Variants in LRP1B observed in about 807,000 individuals in gnomAD.
LRP1B encodes the protein low-density lipoprotein receptor-related protein 1B.
LRP1B carries 217 observed loss-of-function variants against 556.6 expected under a neutral mutation model. The ratio of observed to expected loss-of-function variants is 0.39; its 90% CI spans 0.35 to 0.44. The LOEUF (loss-of-function observed/expected upper bound fraction) is 0.44, where lower values mean the gene tolerates loss of function less well. Among genes scored for constraint, LRP1B ranks in the 20% least tolerant of loss-of-function variants. The pLI, the probability that LRP1B is intolerant of heterozygous loss-of-function variation, is 1.00. For synonymous variants in LRP1B, 2,047 were observed against 1,865.8 expected (o/e 1.10, Z -2.50); for missense variants, 5,053 against 5,620.8 (o/e 0.90, Z 3.23).
At chr2:140,777,924 G>GT (rs1186048858) in intron 32 of LRP1B, among the ~76,000 whole-genome samples, 1 of 146,732 alleles carries the variant, frequency 6.8e-6, no homozygotes, top group African/African-American at 2.5e-5. Context: ...TAGGAAAAAA[G>GT]TAAAAAAAAG....
intron 7 of LRP1B, among the ~76,000 whole-genome samples, chr2:141,150,447 T>C (rs1162940715): frequency 6.6e-6 from 1 of 152,182 alleles, no homozygotes; most frequent in African/African-American, 2.4e-5. Flanking sequence ...ATACTCAAAG[T>C]GTTTCCCTTC....
At position 140,886,319 on chromosome 2, in the gene LRP1B, G is replaced by A. The variant is rs1332291541; in HGVS notation, c.3783C>T (p.Phe1261=). ...SCTSVDPFEA[F]IIFSIRHEIR... ...TCTCATGACGAATAGAAAAGATGAT[G>A]AATGCTTCAAAAGGATCTGAAATTA... Residue 1261 remains phenylalanine, a synonymous_variant, in exon 24 of 91, where the codon TTC becomes TTT. Coordinates refer to ENST00000389484, the MANE Select transcript of LRP1B (RefSeq NM_018557.3). The A allele has an allele frequency of 1.3e-6, 2 of 1,590,156 alleles. No homozygotes were observed. Among genetic ancestry groups the A allele is most frequent in the Non-Finnish European group, 1.7e-6 (2 of 1,166,080 alleles).
intron 1 of LRP1B, among the ~76,000 whole-genome samples, chr2:141,958,914 T>G (rs1701333768): frequency 2.6e-5 from 4 of 152,018 alleles, no homozygotes; most frequent in South Asian, 2.1e-4. Flanking sequence ...TGATTTTTCT[T>G]GAGTCAAAAA....
intron 1 of LRP1B, among the ~76,000 whole-genome samples, chr2:141,827,983 C>G (rs961477037): frequency 6.6e-4 from 100 of 151,298 alleles, no homozygotes; most frequent in African/African-American, 2.4e-3. Flanking sequence ...AGAAGACTGC[C>G]ACTTCAACAG....
At chr2:141,475,885 A>G (rs1387603725) in intron 3 of LRP1B, among the ~76,000 whole-genome samples, 1 of 151,796 alleles carries the variant, frequency 6.6e-6, no homozygotes, top group Non-Finnish European at 1.5e-5. Context: ...CAACAATAAA[A>G]TCTCCTTCAT....
At position 141,663,539 on chromosome 2, in the gene LRP1B, C is replaced by T. The variant is rs190977698; in HGVS notation, c.205+146740G>A. On this transcript the variant is annotated intron_variant, in intron 2 of 90. Coordinates refer to ENST00000389484, the MANE Select transcript of LRP1B (RefSeq NM_018557.3). ...CTGACCCCACATAAATATAAACAAC[C>T]GTCAGAGAATACTATAAACACCTCT... Among the ~76,000 whole-genome samples the T allele has an allele frequency of 3.5e-3, 532 of 152,160 alleles. 1 individual carries two copies. Among genetic ancestry groups the T allele is most frequent in the Middle Eastern group, 0.014 (4 of 294 alleles).
Position 140,456,422 on chromosome 2 carries a change from A to T in LRP1B, c.9963+33T>A, listed in dbSNP as rs757738230. 9 of 1,598,442 alleles carry T rather than the reference A, an allele frequency of 5.6e-6. No individual in the cohort carries two copies. The South Asian group carries it at 1.0e-4, about 18-fold the overall frequency. ...CAAAAGAGCTGATGTTTCACCATAC[A>T]CTCTATAATAAGATTCCCAGACCTC... On this transcript the variant is annotated intron_variant, in intron 62 of 90. Transcript: ENST00000389484.
intron 35 of LRP1B, among the ~76,000 whole-genome samples, chr2:140,762,444 T>C (rs76614418): frequency 0.017 from 2,589 of 152,262 alleles, 43 homozygotes; most frequent in Middle Eastern, 0.034. Context: ...TCCTGTGATG[T>C]AGTAAGTGTG....
At chr2:140,997,848 T>C (rs1697297674) in intron 15 of LRP1B, among the ~76,000 whole-genome samples, 2 of 151,892 alleles carry the variant, frequency 1.3e-5, no homozygotes, top group African/African-American at 2.4e-5. Context: ...GTGTGAAAAA[T>C]GCTGCGATAG....
At chr2:141,736,439 A>G (rs975585581) in intron 2 of LRP1B, among the ~76,000 whole-genome samples, 7 of 152,170 alleles carry the variant, frequency 4.6e-5, no homozygotes, top group African/African-American at 1.7e-4. Flanking sequence ...ATAAGAAGAG[A>G]GAAATTTGGA....
At chr2:140,892,420 G>A (rs546673605) in intron 23 of LRP1B, among the ~76,000 whole-genome samples, 1 of 152,166 alleles carries the variant, frequency 6.6e-6, no homozygotes, top group Non-Finnish European at 1.5e-5. Flanking sequence ...AGGAAATTAA[G>A]GCTAGTGAGT....
At chr2:140,553,843 C>T (rs1486523684) in intron 43 of LRP1B, among the ~76,000 whole-genome samples, 1 of 151,970 alleles carries the variant, frequency 6.6e-6, no homozygotes, top group African/African-American at 2.4e-5. Context: ...GAAGAGCCAC[C>T]AGCTTTCATT....
At chr2:141,283,540 T>G (rs1252513296) in intron 3 of LRP1B, among the ~76,000 whole-genome samples, 1 of 151,030 alleles carries the variant, frequency 6.6e-6, no homozygotes, top group Non-Finnish European at 1.5e-5. Flanking sequence ...GAAACTGACA[T>G]AGATTAGACA....
chr2:141,457,077 C>A (rs1192961842), intron 3 of LRP1B, among the ~76,000 whole-genome samples: 1 of 152,152 alleles, frequency 6.6e-6, no homozygotes, highest in Non-Finnish European at 1.5e-5. Flanking sequence ...CCTTACCTTA[C>A]TGAAGTTTTA....
intron 3 of LRP1B, among the ~76,000 whole-genome samples, chr2:141,384,110 T>A (rs1689743124): frequency 6.6e-6 from 1 of 152,144 alleles, no homozygotes; most frequent in Non-Finnish European, 1.5e-5. Flanking sequence ...AATATATACA[T>A]TTTTTATTTT....
chr2:140,812,908 C>T (rs964837376), intron 32 of LRP1B, among the ~76,000 whole-genome samples: 19 of 152,114 alleles, frequency 1.2e-4, no homozygotes, highest in African/African-American at 4.6e-4. Context: ...TAGAGCCAGC[C>T]ATTCACTAAA....
At chr2:142,023,059 C>T (rs183222587) in intron 1 of LRP1B, among the ~76,000 whole-genome samples, 6 of 152,294 alleles carry the variant, frequency 3.9e-5, no homozygotes, top group Admixed American at 2.6e-4. Flanking sequence ...GCTCAAACAG[C>T]TAGCACATCT....
At chr2:140,857,650 G>A (rs1195625303) in intron 27 of LRP1B, among the ~76,000 whole-genome samples, 1 of 151,950 alleles carries the variant, frequency 6.6e-6, no homozygotes. Context: ...CATACTTTAT[G>A]AATTAATTTT....
At chr2:141,822,092 TACACACACACACAC>T (rs149899299) in intron 1 of LRP1B, among the ~76,000 whole-genome samples, 13 of 112,418 alleles carry the variant, frequency 1.2e-4, no homozygotes, top group South Asian at 7.3e-4. Flanking sequence ...AAAAAATACA[TACACACACACACAC>T]ACACACACAC....
Sources: allele counts gnomAD v4.1 joint callset (sites outside exome capture counted in the v4.1 genomes callset), GRCh38; gene constraint gnomAD v4.1.1; transcripts MANE v1.5; gene names NCBI Gene and HGNC (gene_info 2026-07-23, HGNC 2026-07-21).